HSD11B1: variants seen among roughly 807,000 people sequenced by gnomAD.
HSD11B1 encodes 11-beta-hydroxysteroid dehydrogenase 1.
A neutral mutation model predicts 22.1 loss-of-function variants in HSD11B1; 15 were observed. That is an observed-to-expected ratio of 0.68 (90% CI 0.45 to 1.04). The LOEUF is 1.04. Among genes scored for constraint, HSD11B1 ranks in the 50% least tolerant of loss-of-function variants. The pLI, the probability that HSD11B1 is intolerant of heterozygous loss-of-function variation, is 0.00. For missense variants in HSD11B1, 281 were observed against 357.6 expected, an observed-to-expected ratio of 0.79 and a Z score of 1.73; for synonymous variants, 122 against 125.2, an observed-to-expected ratio of 0.97 and a Z score of 0.17.
chr1:209,691,465 G>A (rs2076759194), intron 1 of HSD11B1, among the ~76,000 whole-genome samples: 1 of 152,184 alleles, frequency 6.6e-6, no homozygotes, highest in African/African-American at 2.4e-5. Context: ...CAGGGAACAG[G>A]AGGACTAAAG....
At chr1:209,692,615 G>GGGGT (rs1558185264) in intron 1 of HSD11B1, among the ~76,000 whole-genome samples, 2 of 114,484 alleles carry the variant, frequency 1.7e-5, no homozygotes, top group Non-Finnish European at 3.7e-5. Flanking sequence ...GGCGGGGGGG[G>GGGGT]GGGTGGGGGC....
upstream of HSD11B1, among the ~76,000 whole-genome samples, chr1:209,701,807 T>C (rs191870229): frequency 2.4e-4 from 36 of 152,308 alleles, no homozygotes; most frequent in African/African-American, 7.0e-4. Flanking sequence ...CTCCTATCAG[T>C]CTCCCCAGAT....
intron 1 of HSD11B1, among the ~76,000 whole-genome samples, chr1:209,691,330 T>A (rs957242705): frequency 5.3e-5 from 8 of 152,198 alleles, no homozygotes; most frequent in Admixed American, 3.9e-4. Context: ...CTCTTAAAGA[T>A]GTTAAAAATG....
At chr1:209,717,895 G>GAAAAAAAAAAAAAAAAAAAAAAAAA (rs2076939902) in intron 4 of HSD11B1, among the ~76,000 whole-genome samples, 1 of 146,142 alleles carries the variant, frequency 6.8e-6, no homozygotes, top group African/African-American at 2.5e-5. Context: ...AAAAAAAAAG[G>GAAAAAAAAAAAAAAAAAAAAAAAAA]AAATCAATAT....
intron 4 of HSD11B1, among the ~76,000 whole-genome samples, chr1:209,717,337 A>T (rs1305291664): frequency 1.3e-5 from 2 of 152,220 alleles, no homozygotes; most frequent in African/African-American, 4.8e-5. Context: ...AAGAAAATGC[A>T]AATTAAAACT....
chr1:209,690,612 G>A (rs183497249), intron 1 of HSD11B1, among the ~76,000 whole-genome samples: 16 of 152,156 alleles, frequency 1.1e-4, no homozygotes, highest in Non-Finnish European at 1.6e-4. Context: ...CAGGAGAACC[G>A]CTTGAACCCG....
chr1:209,732,747 C>T (rs2077043668), intron 5 of HSD11B1, among the ~76,000 whole-genome samples, 168 bp downstream of exon 5: 1 of 151,680 alleles, frequency 6.6e-6, no homozygotes. Flanking sequence ...ATCCCTCCCC[C>T]TTCCCCCCAC....
At chr1:209,716,098 G>A (rs991801943) in intron 4 of HSD11B1, among the ~76,000 whole-genome samples, 4 of 152,154 alleles carry the variant, frequency 2.6e-5, no homozygotes, top group Non-Finnish European at 5.9e-5. Flanking sequence ...AATCAGGCAA[G>A]AGAAAGAAAT....
intron 1 of HSD11B1, among the ~76,000 whole-genome samples, chr1:209,689,803 C>T (rs949187513): frequency 3.3e-5 from 5 of 152,180 alleles, no homozygotes; most frequent in Non-Finnish European, 5.9e-5. Context: ...GAACCCTTTT[C>T]TTTAAAAACT....
At chr1:209,698,203 ATAGATAGATAGATAGG>A (rs1345393669) in intron 1 of HSD11B1, among the ~76,000 whole-genome samples, 1 of 145,292 alleles carries the variant, frequency 6.9e-6, no homozygotes, top group South Asian at 2.2e-4. Flanking sequence ...AGATAGATAG[ATAGATAGATAGATAGG>A]AAGGACAGAC....
At position 209,696,368 on chromosome 1, in the gene HSD11B1, C is replaced by A. The variant is rs2076791593; in HGVS notation, c.-48-8527C>A. On this transcript the variant is annotated intron_variant, in intron 1 of 6. Coordinates refer to the HSD11B1 transcript ENST00000261465. ...GTATATAAATTGCACTGCAATAAAG[C>A]CGTTAAAAAATAATCATGTCAGTTT... 2.0e-5 allele frequency among the ~76,000 whole-genome samples: 3 copies of A among 152,132 alleles called. No homozygotes were observed. The South Asian group carries it at 6.2e-4, about 32-fold the overall frequency.
chr1:209,695,103 C>G (rs569381400), intron 1 of HSD11B1, among the ~76,000 whole-genome samples: 1 of 152,182 alleles, frequency 6.6e-6, no homozygotes, highest in African/African-American at 2.4e-5. Context: ...GCTGTTCCCC[C>G]CTTTGCTCTG....
At chr1:209,721,717 C>T (rs1167516063) in intron 4 of HSD11B1, among the ~76,000 whole-genome samples, 13 of 152,214 alleles carry the variant, frequency 8.5e-5, no homozygotes, top group Non-Finnish European at 1.3e-4. Context: ...GTCTACCCAA[C>T]CATCCCTGGG....
chr1:209,733,147 G>A (rs2077046202), intron 5 of HSD11B1, among the ~76,000 whole-genome samples: 1 of 152,108 alleles, frequency 6.6e-6, no homozygotes. Context: ...GTTTCTATAT[G>A]AGACTTATCA....
At chr1:209,717,538 C>T (rs1480638240) in intron 4 of HSD11B1, among the ~76,000 whole-genome samples, 6 of 152,010 alleles carry the variant, frequency 3.9e-5, no homozygotes, top group Admixed American at 3.9e-4. Context: ...ATCCAGCAAT[C>T]CTGTTATTGG....
chr1:209,703,903 T>G (rs1480434987), upstream of HSD11B1, among the ~76,000 whole-genome samples: 1 of 152,258 alleles, frequency 6.6e-6, no homozygotes, highest in African/African-American at 2.4e-5. Flanking sequence ...GGATTATTCC[T>G]TAATGAATTC....
chr1:209,687,116 G>C (rs1406330827), intron 1 of HSD11B1, among the ~76,000 whole-genome samples: 5 of 152,226 alleles, frequency 3.3e-5, no homozygotes, highest in Non-Finnish European at 7.3e-5. Context: ...TTGTGGCTTA[G>C]TGATCCACTC....
At chr1:209,718,335 C>T (rs944473418) in intron 4 of HSD11B1, among the ~76,000 whole-genome samples, 3 of 152,118 alleles carry the variant, frequency 2.0e-5, no homozygotes, top group African/African-American at 7.2e-5. Context: ...AACAGAATAT[C>T]ACATACTACC....
Position 209,692,612 on chromosome 1 carries a change from G to GT in HSD11B1, c.-49+6327_-49+6328insT, listed in dbSNP as rs1553286720. On this transcript the variant is annotated intron_variant, in intron 1 of 6. Transcript: ENST00000261465. ...GGAATCGGGTATTAAAATGGCGGGG[G>GT]GGGGGGTGGGGGCTCGGTTCTTGCT... Among the ~76,000 whole-genome samples the GT allele has an allele frequency of 3.0e-4, 34 of 113,104 alleles. 6 individuals are homozygous for GT. The highest frequency in any genetic ancestry group is 1.1e-3 in the South Asian group (3 of 2,822). 74.2% of individuals were successfully genotyped at this position (113,104 alleles called of 152,430 possible).
Sources: allele counts gnomAD v4.1 joint callset (sites outside exome capture counted in the v4.1 genomes callset), GRCh38; gene constraint gnomAD v4.1.1; transcripts MANE v1.5; gene names NCBI Gene and HGNC (gene_info 2026-07-23, HGNC 2026-07-21).